The following FABP12 variants were observed in gnomAD, a reference collection of about 807,000 sequenced individuals.
FABP12 encodes the protein fatty acid-binding protein 12.
FABP12 carries 19 observed loss-of-function variants against 13.7 expected under a neutral mutation model. The observed-to-expected ratio is 1.39, with a 90% confidence interval of 0.97 to 2.04. The LOEUF (loss-of-function observed/expected upper bound fraction) is 2.04, where lower values mean the gene tolerates loss of function less well. FABP12 is among the 30% of genes most tolerant of loss of function. FABP12 has a pLI of 0.00. For synonymous variants in FABP12, 61 were observed against 57.0 expected (o/e 1.07, Z -0.32); for missense variants, 182 against 164.2 (o/e 1.11, Z -0.59).
At chr8:81,570,085 C>A (rs1257946911) in intron 1 of FABP12, among the ~76,000 whole-genome samples, 1 of 152,238 alleles carries the variant, frequency 6.6e-6, no homozygotes, top group Non-Finnish European at 1.5e-5. Context: ...TTGGTGCCAG[C>A]TTTCTGCAAG....
chr8:81,569,909 C>G (rs1211986522), intron 1 of FABP12, among the ~76,000 whole-genome samples: 2 of 152,216 alleles, frequency 1.3e-5, no homozygotes, highest in Non-Finnish European at 2.9e-5. Flanking sequence ...CTCGTTCTGC[C>G]CGCTCGGCCT....
intron 1 of FABP12, among the ~76,000 whole-genome samples, chr8:81,569,575 G>C (rs1310269080): frequency 1.3e-5 from 2 of 152,092 alleles, no homozygotes; most frequent in African/African-American, 4.8e-5. Flanking sequence ...CATTTAGTCT[G>C]TATCTCTCAT....
intron 1 of FABP12, among the ~76,000 whole-genome samples, chr8:81,579,107 CGT>C (rs1810111220): frequency 6.7e-6 from 1 of 148,592 alleles, no homozygotes; most frequent in African/African-American, 2.5e-5. Flanking sequence ...GAATTACAGG[CGT>C]GAGCCACCGC....
chr8:81,571,809 T>G (rs1252188580), intron 1 of FABP12, among the ~76,000 whole-genome samples: 5 of 152,246 alleles, frequency 3.3e-5, no homozygotes, highest in African/African-American at 4.8e-5. Flanking sequence ...TAAATTTACA[T>G]AAATCATTTA....
At chr8:81,534,452 C>T (rs573560083), upstream of FABP12, among the ~76,000 whole-genome samples, 1 of 152,142 alleles carries the variant, frequency 6.6e-6, no homozygotes, top group African/African-American at 2.4e-5. Context: ...TCAAGCTGGA[C>T]CCCTAAAAAC....
Position 81,527,134 on chromosome 8 carries a change from A to C in FABP12, c.247-13T>G. The C allele has an allele frequency of 6.8e-7, 1 of 1,470,622 alleles. No individual in the cohort carries two copies. Among genetic ancestry groups the C allele is most frequent in the South Asian group, 1.2e-5 (1 of 82,320 alleles). The allele number at this position is 1,470,622 out of a possible 1,614,324, so 91.1% of individuals were successfully genotyped here. On this transcript the variant is annotated splice_polypyrimidine_tract_variant and intron_variant, in intron 3 of 4. Coordinates refer to ENST00000360464, the Ensembl canonical transcript of FABP12. The stretch of plus-strand genomic sequence containing the variant: ...AGGTTACTTTACTCTGAAAAACAGA[A>C]AAAACTAAATTCAGATCAGCTTGTC...
chr8:81,585,271 G>T (rs144160782), intron 1 of FABP12, among the ~76,000 whole-genome samples: 126 of 152,236 alleles, frequency 8.3e-4, no homozygotes, highest in African/African-American at 2.8e-3. Flanking sequence ...TATAGTGAGA[G>T]ATAAGGGTTC....
chr8:81,582,621 T>C (rs529179218), intron 1 of FABP12, among the ~76,000 whole-genome samples: 15 of 152,116 alleles, frequency 9.9e-5, no homozygotes, highest in Non-Finnish European at 2.1e-4. Context: ...AAGGTCATGA[T>C]ATAATGATAA....
chr8:81,530,307 A>T (rs1170863057), intron 2 of FABP12, among the ~76,000 whole-genome samples: 2 of 152,126 alleles, frequency 1.3e-5, no homozygotes, highest in East Asian at 3.8e-4. Flanking sequence ...CTCTATATAG[A>T]TATATACTTT....
chr8:81,546,597 A>G (rs1271198357), intron 1 of FABP12, among the ~76,000 whole-genome samples: 1 of 152,062 alleles, frequency 6.6e-6, no homozygotes, highest in Non-Finnish European at 1.5e-5. Context: ...TGGGAGGTGG[A>G]GTGAGCTGGG....
At position 81,559,760 on chromosome 8, in the gene FABP12, C is replaced by G. The variant is rs113791679; in HGVS notation, c.-184-20017G>C. Among the ~76,000 whole-genome samples, 10 of 152,102 alleles carry G rather than the reference C, an allele frequency of 6.6e-5. No homozygotes were observed. In the East Asian group the frequency reaches 7.7e-4, roughly 12 times the overall value. On this transcript the variant is annotated intron_variant, in intron 1 of 5. Coordinates refer to the FABP12 transcript ENST00000692030. ...GGTGAGCCTTGCAACACTACTGCCC[C>G]CTAGACTGGGGAGAGGTTCAAGCCA...
intron 1 of FABP12, among the ~76,000 whole-genome samples, chr8:81,569,136 TA>T (rs1207458375): frequency 2.6e-5 from 4 of 152,098 alleles, no homozygotes; most frequent in African/African-American, 9.7e-5. Flanking sequence ...ACACAAAAAA[TA>T]AATGTTTTGG....
At chr8:81,564,650 G>A (rs1027668313) in intron 1 of FABP12, among the ~76,000 whole-genome samples, 1 of 151,952 alleles carries the variant, frequency 6.6e-6, no homozygotes. Flanking sequence ...GGTGTTATTT[G>A]CAAGCTTAAT....
At chr8:81,537,765 T>A (rs1278911344), upstream of FABP12, among the ~76,000 whole-genome samples, 1 of 151,996 alleles carries the variant, frequency 6.6e-6, no homozygotes, top group Non-Finnish European at 1.5e-5. Flanking sequence ...CACCTGGAGG[T>A]GGGCAGTGGA....
At chr8:81,578,461 A>G (rs1376497620) in intron 1 of FABP12, among the ~76,000 whole-genome samples, 2 of 151,858 alleles carry the variant, frequency 1.3e-5, no homozygotes, top group Non-Finnish European at 2.9e-5. Flanking sequence ...TTTGCCTGAG[A>G]CAAAAGAATT....
intron 1 of FABP12, among the ~76,000 whole-genome samples, chr8:81,585,046 T>C (rs975831785): frequency 3.3e-5 from 5 of 152,208 alleles, no homozygotes; most frequent in African/African-American, 1.2e-4. Flanking sequence ...CTCTTCACTT[T>C]GTTGATTGTT....
intron 1 of FABP12, among the ~76,000 whole-genome samples, chr8:81,572,117 C>G (rs1335478977): frequency 6.7e-6 from 1 of 149,866 alleles, no homozygotes; most frequent in Non-Finnish European, 1.5e-5. Flanking sequence ...TCCCACTCTT[C>G]CCCCCCAAGT....
At chr8:81,537,724 G>A (rs1301064863), upstream of FABP12, among the ~76,000 whole-genome samples, 1 of 152,164 alleles carries the variant, frequency 6.6e-6, no homozygotes, top group East Asian at 1.9e-4. Context: ...GGCTCAGGGT[G>A]TTTCTGCCTT....
intron 1 of FABP12, among the ~76,000 whole-genome samples, chr8:81,579,077 C>T (rs184393149): frequency 6.6e-5 from 10 of 152,142 alleles, no homozygotes; most frequent in African/African-American, 2.2e-4. Context: ...ATCCACCCGC[C>T]TCTGCCTCCC....
Sources: allele counts gnomAD v4.1 joint callset (sites outside exome capture counted in the v4.1 genomes callset), GRCh38; gene constraint gnomAD v4.1.1; transcripts MANE v1.5; gene names NCBI Gene and HGNC (gene_info 2026-07-23, HGNC 2026-07-21).